ATF2: variants seen among roughly 807,000 people sequenced by gnomAD.
ATF2 encodes the protein cyclic AMP-dependent transcription factor ATF-2.
Under a neutral mutation model 60.6 loss-of-function variants are expected in ATF2, and 24 were observed. The observed-to-expected ratio is 0.40, with a 90% CI of 0.29 to 0.56. ATF2 has a LOEUF of 0.56. Among genes scored for constraint, ATF2 ranks in the 20% least tolerant of loss-of-function variants. The pLI, the probability that ATF2 is intolerant of heterozygous loss-of-function variation, is 0.54. For missense variants in ATF2, 433 were observed against 607.7 expected, an observed-to-expected ratio of 0.71 and a Z score of 3.02; for synonymous variants, 206 against 215.4, an observed-to-expected ratio of 0.96 and a Z score of 0.38.
chr2:175,117,697 A>C (rs2105703328), intron 7 of ATF2, among the ~76,000 whole-genome samples: 1 of 152,166 alleles, frequency 6.6e-6, no homozygotes, highest in South Asian at 2.1e-4. Context: ...GTATAAAAGT[A>C]GCTAAATATA....
At chr2:175,128,904 A>C (rs1697536905) in intron 4 of ATF2, among the ~76,000 whole-genome samples, 1 of 90,752 alleles carries the variant, frequency 1.1e-5, no homozygotes, top group Non-Finnish European at 2.6e-5. Flanking sequence ...TAAGGGATAC[A>C]AATGGCCAAC....
chr2:175,081,040 A>G (rs917164635), intron 12 of ATF2, among the ~76,000 whole-genome samples: 2 of 152,162 alleles, frequency 1.3e-5, no homozygotes, highest in African/African-American at 4.8e-5. Flanking sequence ...CTTATATATT[A>G]TTGGTGACCT....
chr2:175,163,328 T>C (rs903586445), intron 1 of ATF2, among the ~76,000 whole-genome samples: 5 of 152,138 alleles, frequency 3.3e-5, no homozygotes, highest in African/African-American at 7.2e-5. Flanking sequence ...TATAAACTTA[T>C]GGTCAATATT....
At chr2:175,084,997 G>GGTC (rs145829785) in intron 12 of ATF2, among the ~76,000 whole-genome samples, 265 of 152,216 alleles carry the variant, frequency 1.7e-3, no homozygotes, top group African/African-American at 6.0e-3. Context: ...TCTGGTCAGA[G>GGTC]GTCCTAACTT....
intron 2 of ATF2, among the ~76,000 whole-genome samples, chr2:175,139,979 G>C (rs1698392850): frequency 6.6e-6 from 1 of 152,088 alleles, no homozygotes; most frequent in Non-Finnish European, 1.5e-5. Context: ...TAAAATTAAA[G>C]TGCCATACCA....
At chr2:175,107,133 A>G (rs1416086259) in intron 10 of ATF2, among the ~76,000 whole-genome samples, 1 of 152,144 alleles carries the variant, frequency 6.6e-6, no homozygotes, top group East Asian at 1.9e-4. Context: ...TCAATCAATC[A>G]ATCAATAAAA....
intron 10 of ATF2, among the ~76,000 whole-genome samples, chr2:175,102,273 CA>C (rs1177760555): frequency 7.2e-5 from 11 of 152,220 alleles, no homozygotes; most frequent in South Asian, 2.1e-4. Context: ...CCCAGTTCAC[CA>C]AACATATTCT....
At chr2:175,102,772 AAGG>A (rs1428054657) in intron 10 of ATF2, among the ~76,000 whole-genome samples, 1 of 152,168 alleles carries the variant, frequency 6.6e-6, no homozygotes, top group Non-Finnish European at 1.5e-5. Context: ...AAAAAAAAAA[AAGG>A]AGGACTTTAT....
intron 7 of ATF2, among the ~76,000 whole-genome samples, chr2:175,117,748 TTA>T (rs1317007990): frequency 2.6e-5 from 4 of 151,860 alleles, no homozygotes; most frequent in Non-Finnish European, 5.9e-5. Context: ...ATTTATAAAT[TTA>T]TATATCTTTT....
chr2:175,142,726 T>C (rs949723904), intron 2 of ATF2, among the ~76,000 whole-genome samples: 3 of 144,566 alleles, frequency 2.1e-5, no homozygotes, highest in African/African-American at 7.5e-5. Flanking sequence ...AGAGAGTGTG[T>C]GTGTGTGTGT....
At chr2:175,146,283 T>C (rs1698942192) in intron 2 of ATF2, among the ~76,000 whole-genome samples, 2 of 152,172 alleles carry the variant, frequency 1.3e-5, no homozygotes, top group African/African-American at 4.8e-5. Context: ...AAAAGACCAA[T>C]GCGACATAAC....
rs533172394 is a variant in ATF2, at chr2:175,140,157, G to C, written c.-43-3671C>G. Among the ~76,000 whole-genome samples the C allele has an allele frequency of 2.0e-5, 3 of 152,220 alleles. No homozygotes were observed. The South Asian group carries it at 6.2e-4, about 32-fold the overall frequency. ...CATAAGAAAAAGTGTCCTCATTCTGGAATGTTTACAATGCCTTGTGGGTTT... is the reference window on the plus strand; with the variant it reads ...CATAAGAAAAAGTGTCCTCATTCTGCAATGTTTACAATGCCTTGTGGGTTT... On this transcript the variant is annotated intron_variant, in intron 2 of 13. Coordinates refer to ENST00000264110, the MANE Select transcript of ATF2 (RefSeq NM_001880.4).
chr2:175,088,671 C>T (rs1054059268), intron 12 of ATF2, among the ~76,000 whole-genome samples: 1 of 151,948 alleles, frequency 6.6e-6, no homozygotes, highest in Non-Finnish European at 1.5e-5. Flanking sequence ...CAAATCCACA[C>T]AAAAATAATT....
chr2:175,127,584 T>C (rs1697422745), intron 4 of ATF2, among the ~76,000 whole-genome samples: 1 of 152,188 alleles, frequency 6.6e-6, no homozygotes, highest in Non-Finnish European at 1.5e-5. Flanking sequence ...TCTTTTTTTC[T>C]GTCTCCTCTG....
intron 10 of ATF2, 70 bp downstream of exon 10, chr2:175,111,498 C>A: frequency 2.2e-6 from 3 of 1,337,112 alleles, no homozygotes; most frequent in Non-Finnish European, 3.2e-6. Context: ...GCATTTGAAG[C>A]AGGCTTTAGT....
intron 1 of ATF2, among the ~76,000 whole-genome samples, chr2:175,163,169 AAAT>A (rs1700129416): frequency 7.5e-5 from 2 of 26,802 alleles, no homozygotes; most frequent in East Asian, 0.022. Flanking sequence ...ATAAATAAAT[AAAT>A]AAATAAATAA....
chr2:175,106,436 A>G (rs1205398), intron 10 of ATF2, among the ~76,000 whole-genome samples: 39,410 of 151,668 alleles, frequency 0.26, 6,062 homozygotes, highest in African/African-American at 0.44. Flanking sequence ...TGAGGCGGGA[A>G]AATCGCTTGA....
At chr2:175,151,742 A>G (rs905856795) in intron 1 of ATF2, among the ~76,000 whole-genome samples, 3 of 152,148 alleles carry the variant, frequency 2.0e-5, no homozygotes, top group Non-Finnish European at 4.4e-5. Flanking sequence ...TCAGAAGTTT[A>G]TTTCTTTCAC....
chr2:175,131,729 T>G (rs1251839308), intron 3 of ATF2, among the ~76,000 whole-genome samples: 25 of 152,268 alleles, frequency 1.6e-4, no homozygotes, highest in Admixed American at 1.6e-3. Flanking sequence ...TGACCACTAG[T>G]AAAACTTACT....
Sources: allele counts gnomAD v4.1 joint callset (sites outside exome capture counted in the v4.1 genomes callset), GRCh38; gene constraint gnomAD v4.1.1; transcripts MANE v1.5; gene names NCBI Gene and HGNC (gene_info 2026-07-23, HGNC 2026-07-21).